The following LMNB1 variants were observed in gnomAD, a reference collection of about 807,000 sequenced individuals.
LMNB1 encodes lamin-B1.
A neutral mutation model predicts 67.1 loss-of-function variants in LMNB1; 23 were observed. The observed-to-expected ratio is 0.34, with a 90% CI of 0.25 to 0.49. The LOEUF (loss-of-function observed/expected upper bound fraction) is 0.49, where lower values mean the gene tolerates loss of function less well. LMNB1 is among the 20% of genes least tolerant of loss of function. LMNB1 has a pLI of 0.99. For missense variants in LMNB1, 634 were observed against 746.5 expected (o/e 0.85, Z 1.76); for synonymous variants, 281 against 282.9 (o/e 0.99, Z 0.07).
At chr5:126,805,995 G>A (rs766086401) in intron 3 of LMNB1, among the ~76,000 whole-genome samples, 4 of 152,020 alleles carry the variant, frequency 2.6e-5, no homozygotes, top group Admixed American at 6.6e-5. Context: ...TTGCTCTGCC[G>A]CCAGGCTGGA....
chr5:126,812,777 C>G (rs1226713675), intron 5 of LMNB1, among the ~76,000 whole-genome samples: 1 of 140,548 alleles, frequency 7.1e-6, no homozygotes, highest in Non-Finnish European at 1.5e-5. Context: ...GTCGCCCAGG[C>G]TGGAGTGCAG....
rs532850791 is a variant in LMNB1, at chr5:126,790,313, C to T, written c.359+12446C>T. Among the ~76,000 whole-genome samples the T allele has an allele frequency of 2.2e-3, 337 of 151,554 alleles. 3 individuals carry two copies. The highest frequency in any genetic ancestry group is 7.5e-3 in the African/African-American group (309 of 41,050). On this transcript the variant is annotated intron_variant, in intron 1 of 10. Coordinates refer to ENST00000261366, the MANE Select transcript of LMNB1 (RefSeq NM_005573.4). ...TAGAGAAGGGGTTTTGCCATGTTGGCCAGGCTGGTCTCGAACTCCTGACCT... is the reference window on the plus strand; with the variant it reads ...TAGAGAAGGGGTTTTGCCATGTTGGTCAGGCTGGTCTCGAACTCCTGACCT...
At chr5:126,814,929 C>T (rs1751672420) in intron 5 of LMNB1, among the ~76,000 whole-genome samples, 1 of 152,138 alleles carries the variant, frequency 6.6e-6, no homozygotes, top group South Asian at 2.1e-4. Context: ...TTAGGCAGTG[C>T]ACTGGGGGTT....
chr5:126,836,124 T>C, intron 10 of LMNB1, 99 bp from the exon 11 acceptor site: 1 of 816,152 alleles, frequency 1.2e-6, no homozygotes. Context: ...GGTTAGGTAA[T>C]ATGGTTTGGT....
At chr5:126,816,464 A>C (rs1751706787) in intron 5 of LMNB1, among the ~76,000 whole-genome samples, 1 of 152,248 alleles carries the variant, frequency 6.6e-6, no homozygotes, top group African/African-American at 2.4e-5. Flanking sequence ...TTGGCAAAGT[A>C]CTATAGACAG....
intron 9 of LMNB1, among the ~76,000 whole-genome samples, chr5:126,827,464 C>T (rs964079154): frequency 1.1e-4 from 16 of 152,142 alleles, no homozygotes; most frequent in Non-Finnish European, 2.1e-4. Flanking sequence ...AGTTAGAGAC[C>T]AGCGTGGCCA....
In LMNB1 at chr5:126,806,091, ACT is replaced by A. The variant is rs576618434; in HGVS notation, c.642+396_642+397del. On this transcript the variant is annotated intron_variant, in intron 3 of 10. Coordinates refer to ENST00000261366, the MANE Select transcript of LMNB1 (RefSeq NM_005573.4). ...TGCCTCAGCCTCCCGAGTAGCTGGA[ACT>A]ACAGGCGTGCGCCACCACGCCCAGC... Among the ~76,000 whole-genome samples, 14 of 152,262 alleles carry A rather than the reference ACT, an allele frequency of 9.2e-5. No individual in the cohort carries two copies. The East Asian group carries it at 2.7e-3, about 29-fold the overall frequency.
intron 1 of LMNB1, among the ~76,000 whole-genome samples, chr5:126,785,384 C>T (rs940028295): frequency 2.0e-5 from 3 of 151,892 alleles, no homozygotes; most frequent in Middle Eastern, 3.4e-3. Flanking sequence ...CTCTGCCTCC[C>T]GTGTTCAAGC....
intron 1 of LMNB1, among the ~76,000 whole-genome samples, chr5:126,802,175 G>A (rs1184263076): frequency 2.0e-5 from 3 of 152,130 alleles, no homozygotes; most frequent in Non-Finnish European, 4.4e-5. Flanking sequence ...TAAGCATGTG[G>A]CATGACTGCT....
chr5:126,777,829 G>C lies in LMNB1; in HGVS notation c.321G>C (p.Leu107=). ...AGCGCGCCAAGCTGCAGATCGAGCTGGGCAAGTGCAAGGCGGAACACGACC... is the reference window on the plus strand; with the variant it reads ...AGCGCGCCAAGCTGCAGATCGAGCTCGGCAAGTGCAAGGCGGAACACGACC... ...ARERAKLQIE[L]GKCKAEHDQL... is the part of the protein sequence containing the mutation. The change falls in exon 1 of 11, where the codon CTG becomes CTC. Residue 107 remains leucine, a synonymous_variant. Transcript: ENST00000261366. The C allele has an allele frequency of 6.8e-7, 1 of 1,475,320 alleles. No individual in the cohort carries two copies. The highest frequency in any genetic ancestry group is 9.0e-7 in the Non-Finnish European group (1 of 1,111,842). The allele number at this position is 1,475,320 out of a possible 1,614,324, so 91.4% of individuals were successfully genotyped here.
At position 126,835,266 on chromosome 5, in the gene LMNB1, C is replaced by T. The variant is rs112437986; in HGVS notation, c.1720-957C>T. Among the ~76,000 whole-genome samples, 179 of 152,248 alleles carry T rather than the reference C, an allele frequency of 1.2e-3. 1 individual carries two copies. Among genetic ancestry groups the T allele is most frequent in the African/African-American group, 4.2e-3 (174 of 41,548 alleles). ...AGGGAAGATGGAAGGGCAGAACAGG[C>T]GTTTGAACTTCATATTTGAGGATGA... On this transcript the variant is annotated intron_variant, in intron 10 of 10. Transcript: ENST00000261366.
chr5:126,779,101 G>A (rs747955863), intron 1 of LMNB1, among the ~76,000 whole-genome samples: 7 of 152,122 alleles, frequency 4.6e-5, no homozygotes, highest in Non-Finnish European at 1.0e-4. Flanking sequence ...CTTTGCCCCT[G>A]GATGTCTTTC....
At chr5:126,829,933 A>C (rs1752091097) in intron 9 of LMNB1, among the ~76,000 whole-genome samples, 1 of 152,214 alleles carries the variant, frequency 6.6e-6, no homozygotes, top group African/African-American at 2.4e-5. Flanking sequence ...GATTGTCACC[A>C]TGGCAAAAAC....
chr5:126,792,266 C>T (rs758475322), intron 1 of LMNB1, among the ~76,000 whole-genome samples: 12 of 151,922 alleles, frequency 7.9e-5, no homozygotes, highest in Non-Finnish European at 1.2e-4. Context: ...CCTCAGCCTC[C>T]CGAGTAACTG....
rs529338777 is a variant in LMNB1, at chr5:126,808,191, T to A, written c.643-1989T>A. Among the ~76,000 whole-genome samples the A allele has an allele frequency of 7.0e-4, 104 of 148,002 alleles. 3 individuals carry two copies. The East Asian group carries it at 0.016, about 23-fold the overall frequency. ...CTGGCCTTTTTTACTTTAAAAAAAA[T>A]TTTTTTGTGTGAGACAGAGTCTCAC... On this transcript the variant is annotated intron_variant, in intron 3 of 10. Coordinates refer to ENST00000261366, the MANE Select transcript of LMNB1 (RefSeq NM_005573.4).
At chr5:126,794,904 A>G (rs1271251635) in intron 1 of LMNB1, among the ~76,000 whole-genome samples, 1 of 152,130 alleles carries the variant, frequency 6.6e-6, no homozygotes, top group Non-Finnish European at 1.5e-5. Context: ...AATGTTAGGG[A>G]TAGGTACTGA....
At position 126,819,092 on chromosome 5, in the gene LMNB1, G is replaced by C; in HGVS notation, c.1110G>C (p.Leu370=). ...YEQLLDVKLA[L]DMEISAYRKL... Reference sequence around the variant, plus strand: ...AGCTTCTTGATGTAAAGTTAGCCCTGGACATGGAAATCAGTGCTTACAGGA... The same window carrying C: ...AGCTTCTTGATGTAAAGTTAGCCCTCGACATGGAAATCAGTGCTTACAGGA... The change falls in exon 6 of 11, where the codon CTG becomes CTC. Residue 370 remains leucine (L), a synonymous_variant. Coordinates refer to ENST00000261366, the MANE Select transcript of LMNB1 (RefSeq NM_005573.4). 2 of 1,614,082 alleles carry C rather than the reference G, an allele frequency of 1.2e-6. No homozygotes were observed. The highest frequency in any genetic ancestry group is 1.7e-6 in the Non-Finnish European group (2 of 1,180,000).
In LMNB1 at chr5:126,782,828, G is replaced by A. The variant is rs963829847; in HGVS notation, c.359+4961G>A. ...CTCCCAAAGTGCTGGGATTACAGGC[G>A]TGAGCCACTGTGCCTGGTCAAAAAC... On this transcript the variant is annotated intron_variant, in intron 1 of 10. Coordinates refer to ENST00000261366, the MANE Select transcript of LMNB1 (RefSeq NM_005573.4). Among the ~76,000 whole-genome samples the A allele has an allele frequency of 3.9e-5, 6 of 152,084 alleles. No individual in the cohort carries two copies. The South Asian group carries it at 6.2e-4, about 16-fold the overall frequency.
At position 126,804,816 on chromosome 5, in the gene LMNB1, A is replaced by G; in HGVS notation, c.400A>G (p.Lys134Glu). Residue 134 changes from lysine (K) to glutamate (E), a missense_variant, in exon 2 of 11, where the codon AAG becomes GAG. Coordinates refer to ENST00000261366, the MANE Select transcript of LMNB1 (RefSeq NM_005573.4). ...KESDLNGAQI[K>E]LREYEAALNS... ...ATCTGATCTTAATGGCGCCCAGATCAAGCTTCGAGAATATGAAGCAGCACT... is the reference window on the plus strand; with the variant it reads ...ATCTGATCTTAATGGCGCCCAGATCGAGCTTCGAGAATATGAAGCAGCACT... The G allele has an allele frequency of 6.2e-7, 1 of 1,614,170 alleles. No individual in the cohort carries two copies. Among genetic ancestry groups the G allele is most frequent in the East Asian group, 2.2e-5 (1 of 44,888 alleles).
Sources: gnomAD v4.1 joint callset for allele counts (sites outside exome capture counted in the v4.1 genomes callset) on GRCh38, gnomAD v4.1.1 for gene constraint, MANE v1.5 for transcripts, NCBI Gene and HGNC (gene_info 2026-07-23, HGNC 2026-07-21) for gene names.